The following CLVS1 variants were observed in gnomAD, a reference collection of about 807,000 sequenced individuals.
CLVS1 encodes clavesin 1.
Under a neutral mutation model 33.1 loss-of-function variants are expected in CLVS1, and 10 were observed. That is an observed-to-expected ratio of 0.30 (90% CI 0.19 to 0.51). CLVS1 has a LOEUF of 0.51. Among genes scored for constraint, CLVS1 ranks in the 20% least tolerant of loss-of-function variants. The pLI is 0.97. For missense variants in CLVS1, 343 were observed against 433.4 expected (o/e 0.79, Z 1.85); for synonymous variants, 163 against 166.1 (o/e 0.98, Z 0.14).
chr8:61,156,672 A>C (rs1284755436), intron 2 of CLVS1, among the ~76,000 whole-genome samples: 1 of 152,224 alleles, frequency 6.6e-6, no homozygotes, highest in Non-Finnish European at 1.5e-5. Flanking sequence ...ATTGGAAGGA[A>C]AATTTTTAAA....
intron 2 of CLVS1, among the ~76,000 whole-genome samples, chr8:61,142,106 G>A (rs1806317818): frequency 1.3e-5 from 2 of 152,188 alleles, no homozygotes; most frequent in African/African-American, 4.8e-5. Context: ...TTAGCTCTGT[G>A]TCTGCACCCA....
chr8:61,115,975 GT>G (rs1805716378), intron 1 of CLVS1, among the ~76,000 whole-genome samples: 1 of 142,966 alleles, frequency 7.0e-6, no homozygotes, highest in African/African-American at 2.7e-5. Context: ...GGTTGAACTA[GT>G]TTACAGTCCC....
At chr8:61,005,692 T>C in the CLVS1 span, among the ~76,000 whole-genome samples, 1 of 152,296 alleles carries the variant, frequency 6.6e-6, no homozygotes, top group East Asian at 1.9e-4. Flanking sequence ...AAATAGCGCT[T>C]TCTTATTAAC....
intron 2 of CLVS1, among the ~76,000 whole-genome samples, chr8:61,134,052 T>C (rs1005511737): frequency 1.3e-5 from 2 of 152,132 alleles, no homozygotes; most frequent in African/African-American, 4.8e-5. Flanking sequence ...TTTGAGATGT[T>C]TATGAGATGT....
rs555069841 is a variant in CLVS1, at chr8:61,057,793, T to C, written c.-243+563T>C. Among the ~76,000 whole-genome samples the C allele has an allele frequency of 1.4e-4, 21 of 152,332 alleles. No individual in the cohort carries two copies. The East Asian group carries it at 3.9e-3, about 28-fold the overall frequency. On this transcript the variant is annotated intron_variant, in intron 1 of 2. Transcript: ENST00000522621. ...GTGGATAAAATTCTTAGAATAATCCTGCTCAAGCCCTCTAGAGTTCTTTTA... is the reference window on the plus strand; with the variant it reads ...GTGGATAAAATTCTTAGAATAATCCCGCTCAAGCCCTCTAGAGTTCTTTTA...
intron 1 of CLVS1, among the ~76,000 whole-genome samples, chr8:61,113,942 T>G (rs1215023527): frequency 6.6e-6 from 1 of 152,224 alleles, no homozygotes; most frequent in East Asian, 1.9e-4. Flanking sequence ...CCTGGGTATA[T>G]TCTTTACATC....
chr8:61,312,806 C>G (rs1180585348), intron 2 of CLVS1, among the ~76,000 whole-genome samples: 2 of 152,050 alleles, frequency 1.3e-5, no homozygotes, highest in African/African-American at 2.4e-5. Flanking sequence ...TCTCTCTCTC[C>G]TTCTTCATGC....
intron 5 of CLVS1, among the ~76,000 whole-genome samples, chr8:61,483,116 A>G (rs1033205269): frequency 9.9e-5 from 15 of 152,194 alleles, no homozygotes; most frequent in Admixed American, 9.2e-4. Flanking sequence ...GGCGATAGAG[A>G]CACAAAAGAT....
chr8:61,390,255 C>A (rs1447050967), intron 3 of CLVS1, among the ~76,000 whole-genome samples: 13 of 152,222 alleles, frequency 8.5e-5, no homozygotes, highest in African/African-American at 1.4e-4. Flanking sequence ...AAACAGCTTT[C>A]TAGCCCTTTT....
intron 3 of CLVS1, among the ~76,000 whole-genome samples, chr8:61,394,019 C>A (rs755802186): frequency 3.9e-4 from 60 of 152,146 alleles, no homozygotes; most frequent in Non-Finnish European, 7.2e-4. Flanking sequence ...ATCACCCTAC[C>A]CTTTTACCTC....
At position 61,444,385 on chromosome 8, in the gene CLVS1, A is replaced by G. The variant is rs551071760; in HGVS notation, c.631-9756A>G. Among the ~76,000 whole-genome samples the G allele has an allele frequency of 2.8e-4, 42 of 152,290 alleles. 1 individual carries two copies. The South Asian group carries it at 8.7e-3, about 32-fold the overall frequency. On this transcript the variant is annotated intron_variant, in intron 3 of 5. Coordinates refer to ENST00000325897, the MANE Select transcript of CLVS1 (RefSeq NM_173519.3). The stretch of plus-strand genomic sequence containing the variant: ...GGTTTTTGGCAGATGTTTTAAAATC[A>G]CGTTTAGAAGGTTCCTCTCCAATTC...
At chr8:61,152,036 T>C (rs1806548916) in intron 2 of CLVS1, among the ~76,000 whole-genome samples, 1 of 152,194 alleles carries the variant, frequency 6.6e-6, no homozygotes, top group South Asian at 2.1e-4. Context: ...TATTTCTTCT[T>C]CTATTGGCTG....
intron 3 of CLVS1, among the ~76,000 whole-genome samples, chr8:61,382,106 C>A (rs1464368318): frequency 1.3e-5 from 2 of 152,108 alleles, no homozygotes; most frequent in Non-Finnish European, 2.9e-5. Flanking sequence ...TTCTCTTTGG[C>A]AAATCCAAAG....
intron 2 of CLVS1, among the ~76,000 whole-genome samples, chr8:61,353,460 G>T (rs767959623): frequency 3.3e-5 from 5 of 151,826 alleles, no homozygotes; most frequent in Non-Finnish European, 5.9e-5. Flanking sequence ...GATCAAAGAA[G>T]AAGCCTCAAA....
chr8:61,164,461 C>A (rs371027100), intron 2 of CLVS1, among the ~76,000 whole-genome samples: 1 of 152,186 alleles, frequency 6.6e-6, no homozygotes, highest in Non-Finnish European at 1.5e-5. Flanking sequence ...CCAAACATTG[C>A]GATTCCCGCT....
chr8:61,182,385 T>G (rs1807255892), intron 2 of CLVS1, among the ~76,000 whole-genome samples: 1 of 151,778 alleles, frequency 6.6e-6, no homozygotes, highest in Admixed American at 6.6e-5. Context: ...ATCATCAGAG[T>G]GAAAAGGCAA....
intron 1 of CLVS1, among the ~76,000 whole-genome samples, chr8:61,098,857 A>G (rs1805399222): frequency 6.6e-6 from 1 of 152,164 alleles, no homozygotes; most frequent in South Asian, 2.1e-4. Context: ...ATGTGCTTCA[A>G]TATACTGAAC....
chr8:61,356,188 G>A (rs1173057455), intron 2 of CLVS1, among the ~76,000 whole-genome samples: 5 of 151,842 alleles, frequency 3.3e-5, no homozygotes, highest in African/African-American at 1.2e-4. Flanking sequence ...TTTTTCATGT[G>A]TTTTTTGGCT....
intron 3 of CLVS1, among the ~76,000 whole-genome samples, chr8:61,378,788 G>A (rs377018893): frequency 6.6e-6 from 1 of 152,170 alleles, no homozygotes; most frequent in East Asian, 1.9e-4. Flanking sequence ...CAGGCTATCT[G>A]CTCTCTGGTT....
Sources: allele counts gnomAD v4.1 joint callset (sites outside exome capture counted in the v4.1 genomes callset), GRCh38; gene constraint gnomAD v4.1.1; transcripts MANE v1.5; gene names NCBI Gene and HGNC (gene_info 2026-07-23, HGNC 2026-07-21).